CDK14: variants seen among roughly 807,000 people sequenced by gnomAD.
CDK14 encodes cyclin-dependent kinase 14.
A neutral mutation model predicts 60.7 loss-of-function variants in CDK14; 34 were observed. The ratio of observed to expected loss-of-function variants is 0.56; its 90% CI spans 0.43 to 0.75. The LOEUF is 0.75. Ranked by LOEUF, CDK14 falls within the 30% of genes least tolerant of loss-of-function variation. The pLI is 0.00. For missense variants in CDK14, 482 were observed against 564.1 expected (o/e 0.85, Z 1.47); for synonymous variants, 197 against 203.7 (o/e 0.97, Z 0.28).
At chr7:90,995,861 C>T (rs1376320835) in intron 10 of CDK14, among the ~76,000 whole-genome samples, 1 of 152,186 alleles carries the variant, frequency 6.6e-6, no homozygotes, top group Non-Finnish European at 1.5e-5. Context: ...GGGGATGGGA[C>T]ATCCCTCTGT....
chr7:91,017,412 C>T (rs1274599404), intron 10 of CDK14, among the ~76,000 whole-genome samples: 1 of 152,156 alleles, frequency 6.6e-6, no homozygotes, highest in Non-Finnish European at 1.5e-5. Context: ...ATTAAATACT[C>T]TCAAATATTG....
intron 14 of CDK14, among the ~76,000 whole-genome samples, chr7:91,153,210 GA>G (rs1800873037): frequency 6.6e-6 from 1 of 152,188 alleles, no homozygotes; most frequent in South Asian, 2.1e-4. Context: ...CTTTCAACTT[GA>G]TGCAGCAAAC....
chr7:90,698,084 A>AAG (rs1171388209), intron 2 of CDK14, among the ~76,000 whole-genome samples: 2 of 145,954 alleles, frequency 1.4e-5, no homozygotes, highest in Admixed American at 6.8e-5. Context: ...AAAAAAAAAA[A>AAG]AAAAAGAAAA....
At chr7:90,833,403 A>G (rs543828380) in intron 5 of CDK14, among the ~76,000 whole-genome samples, 1 of 152,298 alleles carries the variant, frequency 6.6e-6, no homozygotes, top group African/African-American at 2.4e-5. Flanking sequence ...CAACAATCCC[A>G]TTTTTAAAGT....
At chr7:91,126,767 G>A (rs1461823313) in intron 14 of CDK14, among the ~76,000 whole-genome samples, 2 of 152,054 alleles carry the variant, frequency 1.3e-5, no homozygotes, top group African/African-American at 2.4e-5. Context: ...GAGACTTAAA[G>A]TATTCTCATT....
At chr7:90,917,199 A>G (rs1793108295) in intron 7 of CDK14, among the ~76,000 whole-genome samples, 1 of 152,228 alleles carries the variant, frequency 6.6e-6, no homozygotes. Flanking sequence ...GCATATTGAT[A>G]TAAACCCTTG....
At chr7:91,002,180 A>T (rs1308475343) in intron 10 of CDK14, among the ~76,000 whole-genome samples, 3 of 152,150 alleles carry the variant, frequency 2.0e-5, no homozygotes, top group Non-Finnish European at 4.4e-5. Context: ...ATAATGCCAA[A>T]TTTCCCCTGT....
chr7:90,821,033 T>C (rs969978731), intron 5 of CDK14, among the ~76,000 whole-genome samples: 1 of 152,228 alleles, frequency 6.6e-6, no homozygotes, highest in Admixed American at 6.5e-5. Context: ...TTGAGTTTCA[T>C]TGCTATTATC....
chr7:90,637,349 G>C (rs1028892765), intron 2 of CDK14, among the ~76,000 whole-genome samples: 36 of 151,958 alleles, frequency 2.4e-4, no homozygotes, highest in African/African-American at 7.2e-4. Flanking sequence ...TGTTCTTGTT[G>C]GTTTCAAAGA....
intron 10 of CDK14, among the ~76,000 whole-genome samples, chr7:91,027,236 A>C (rs1796599943): frequency 6.6e-6 from 1 of 152,252 alleles, no homozygotes; most frequent in Non-Finnish European, 1.5e-5. Flanking sequence ...AACTCACAAC[A>C]ATCTAAGCTG....
At chr7:90,630,029 A>T (rs761176359) in intron 2 of CDK14, among the ~76,000 whole-genome samples, 2 of 151,132 alleles carry the variant, frequency 1.3e-5, no homozygotes, top group Non-Finnish European at 2.9e-5. Flanking sequence ...ACAGAACGAG[A>T]CACTGTCTCA....
In CDK14 at chr7:90,925,675, A is replaced by G. The variant is rs1459580572; in HGVS notation, c.826+7951A>G. On this transcript the variant is annotated intron_variant, in intron 8 of 14. Transcript: ENST00000380050. ...CTGGGAGTCCAAGTCTAGCCTGAAC[A>G]ACATAGCAAGACCTCGTCTCTAAAA... Among the ~76,000 whole-genome samples the G allele has an allele frequency of 3.9e-5, 6 of 152,226 alleles. No individual in the cohort carries two copies. In the East Asian group the frequency reaches 1.2e-3, roughly 29 times the overall value.
In CDK14 at chr7:90,641,088, A is replaced by G. The variant is rs534982403; in HGVS notation, c.123+36839A>G. Among the ~76,000 whole-genome samples the G allele has an allele frequency of 5.9e-4, 90 of 151,310 alleles. 1 individual carries two copies. In the South Asian group the frequency reaches 0.014, roughly 24 times the overall value. The stretch of plus-strand genomic sequence containing the variant: ...ATTAAAATCAAAATAATGATGAGCT[A>G]TCTAGGATGGCCTGAAGAAAAAAAC... On this transcript the variant is annotated intron_variant, in intron 2 of 14. Transcript: ENST00000380050.
Position 90,683,392 on chromosome 7 carries a change from T to G in CDK14, c.124-43175T>G, listed in dbSNP as rs553642878. ...TGTCTTAGTGATATGCCCAACTATT[T>G]TAGCACCTTCCTACTTTGTGACATA... On this transcript the variant is annotated intron_variant, in intron 2 of 14. Coordinates refer to ENST00000380050, the MANE Select transcript of CDK14 (RefSeq NM_001287135.2). 4.6e-5 allele frequency among the ~76,000 whole-genome samples: 7 copies of G among 152,340 alleles called. No individual in the cohort carries two copies. The South Asian group carries it at 1.5e-3, about 32-fold the overall frequency.
chr7:90,807,707 A>G (rs1248833809), intron 5 of CDK14, among the ~76,000 whole-genome samples: 4 of 152,196 alleles, frequency 2.6e-5, no homozygotes, highest in African/African-American at 4.8e-5. Context: ...CAAAGAAGTT[A>G]AAAACCTTGA....
At chr7:91,179,661 G>A (rs548549508) in intron 14 of CDK14, among the ~76,000 whole-genome samples, 1 of 152,146 alleles carries the variant, frequency 6.6e-6, no homozygotes, top group African/African-American at 2.4e-5. Flanking sequence ...AAATTAGCCG[G>A]GCGTGGTGGC....
intron 5 of CDK14, among the ~76,000 whole-genome samples, chr7:90,820,041 C>T (rs914277086): frequency 2.0e-5 from 3 of 152,060 alleles, no homozygotes; most frequent in Non-Finnish European, 4.4e-5. Flanking sequence ...GGTTTTTGCG[C>T]CCCCAACCCC....
intron 2 of CDK14, among the ~76,000 whole-genome samples, chr7:90,623,090 T>C (rs1304351768): frequency 5.9e-5 from 9 of 151,560 alleles, no homozygotes; most frequent in African/African-American, 1.7e-4. Flanking sequence ...TATATATTTT[T>C]AAAAATTCTT....
intron 14 of CDK14, among the ~76,000 whole-genome samples, chr7:91,168,553 A>G (rs1489021874): frequency 6.6e-6 from 1 of 152,230 alleles, no homozygotes; most frequent in African/African-American, 2.4e-5. Flanking sequence ...TAAAGATTAT[A>G]TGATGCATTG....
Sources: gnomAD v4.1 joint callset for allele counts (sites outside exome capture counted in the v4.1 genomes callset) on GRCh38, gnomAD v4.1.1 for gene constraint, MANE v1.5 for transcripts, NCBI Gene and HGNC (gene_info 2026-07-23, HGNC 2026-07-21) for gene names.